The following TRIM44 variants were observed in gnomAD, a reference collection of about 807,000 sequenced individuals.
TRIM44 encodes the protein tripartite motif-containing protein 44.
In TRIM44, 13 loss-of-function variants were observed where a neutral mutation model predicts 37.4. The ratio of observed to expected loss-of-function variants is 0.35; its 90% CI spans 0.23 to 0.55. TRIM44 has a LOEUF of 0.55. Ranked by LOEUF, TRIM44 falls within the 20% of genes least tolerant of loss-of-function variation. The pLI is 0.89. For synonymous variants in TRIM44, 175 were observed against 157.2 expected (o/e 1.11, Z -0.85); for missense variants, 426 against 437.2 (o/e 0.97, Z 0.23).
chr11:35,744,869 C>T (rs1400794720), intron 4 of TRIM44, among the ~76,000 whole-genome samples: 1 of 152,210 alleles, frequency 6.6e-6, no homozygotes, highest in African/African-American at 2.4e-5. Context: ...TGGCTTCCAA[C>T]TCCATCCATG....
In TRIM44 at chr11:35,758,586, T is replaced by G. The variant is rs1381445440; in HGVS notation, c.1007+23141T>G. On this transcript the variant is annotated intron_variant, in intron 4 of 4. Transcript: ENST00000299413. Reference sequence around the variant, plus strand: ...TTGCTCGTTAGTTGATGCAGTTTCTTCCCAGCCTCAATGGTCTTTACGATT... The same window carrying G: ...TTGCTCGTTAGTTGATGCAGTTTCTGCCCAGCCTCAATGGTCTTTACGATT... Among the ~76,000 whole-genome samples, 4 of 152,248 alleles carry G rather than the reference T, an allele frequency of 2.6e-5. No individual in the cohort carries two copies. The East Asian group carries it at 7.7e-4, about 29-fold the overall frequency.
At chr11:35,760,654 A>T (rs1281397569) in intron 4 of TRIM44, among the ~76,000 whole-genome samples, 5 of 152,080 alleles carry the variant, frequency 3.3e-5, no homozygotes, top group Admixed American at 3.3e-4. Flanking sequence ...TATGTTTTTT[A>T]AATTAATTTA....
At chr11:35,745,417 C>T (rs748848613) in intron 4 of TRIM44, among the ~76,000 whole-genome samples, 4 of 151,948 alleles carry the variant, frequency 2.6e-5, no homozygotes, top group African/African-American at 7.3e-5. Flanking sequence ...AGATATTAGG[C>T]CTTTGTCAGA....
At chr11:35,723,281 C>T (rs1444561531) in intron 2 of TRIM44, among the ~76,000 whole-genome samples, 1 of 152,210 alleles carries the variant, frequency 6.6e-6, no homozygotes, top group Non-Finnish European at 1.5e-5. Context: ...AGGTTAGATT[C>T]AGATGTTCAA....
intron 4 of TRIM44, among the ~76,000 whole-genome samples, chr11:35,754,059 GAAAA>G (rs1274765857): frequency 7.4e-6 from 1 of 135,770 alleles, no homozygotes; most frequent in Non-Finnish European, 1.5e-5. Context: ...AAAAAAAAAA[GAAAA>G]AAAGAAATTT....
chr11:35,761,196 GA>G (rs2133859809), intron 4 of TRIM44, among the ~76,000 whole-genome samples: 1 of 152,094 alleles, frequency 6.6e-6, no homozygotes, highest in African/African-American at 2.4e-5. Flanking sequence ...TTCATCCATT[GA>G]TGGTTGCTTA....
intron 4 of TRIM44, among the ~76,000 whole-genome samples, chr11:35,765,257 A>G (rs1250278521): frequency 6.6e-6 from 1 of 152,210 alleles, no homozygotes. Flanking sequence ...CAACAGAGAA[A>G]AAGAATAAGC....
At chr11:35,693,880 A>G (rs551913253) in intron 2 of TRIM44, among the ~76,000 whole-genome samples, 1 of 152,270 alleles carries the variant, frequency 6.6e-6, no homozygotes, top group South Asian at 2.1e-4. Context: ...AAAACGTTGG[A>G]AAGAATAGAG....
intron 2 of TRIM44, among the ~76,000 whole-genome samples, chr11:35,710,212 A>T (rs1851950430): frequency 6.6e-6 from 1 of 152,188 alleles, no homozygotes; most frequent in South Asian, 2.1e-4. Context: ...AGAATTACAG[A>T]GTCCTTTTCA....
chr11:35,732,394 A>G (rs1190488283), intron 3 of TRIM44, among the ~76,000 whole-genome samples: 1 of 152,190 alleles, frequency 6.6e-6, no homozygotes, highest in African/African-American at 2.4e-5. Context: ...TTGGTATTTA[A>G]TAGACTCTCA....
intron 2 of TRIM44, among the ~76,000 whole-genome samples, chr11:35,707,270 G>A (rs989016762): frequency 3.8e-4 from 58 of 152,086 alleles, no homozygotes; most frequent in Non-Finnish European, 6.3e-4. Flanking sequence ...AAGAGGATAC[G>A]AAGAAATGGA....
intron 4 of TRIM44, among the ~76,000 whole-genome samples, chr11:35,801,034 T>C (rs947328219): frequency 1.3e-5 from 2 of 152,178 alleles, no homozygotes; most frequent in African/African-American, 4.8e-5. Context: ...AACCTCCTTA[T>C]TTTCAGCTCA....
intron 1 of TRIM44, among the ~76,000 whole-genome samples, chr11:35,669,769 A>G (rs1282653678): frequency 6.6e-6 from 1 of 151,946 alleles, no homozygotes; most frequent in African/African-American, 2.4e-5. Flanking sequence ...ATAAGCCACC[A>G]CACCTGGCCA....
At position 35,733,845 on chromosome 11, in the gene TRIM44, C is replaced by T. The variant is rs369971709; in HGVS notation, c.988-1581C>T. Among the ~76,000 whole-genome samples, 3 of 152,206 alleles carry T rather than the reference C, an allele frequency of 2.0e-5. No individual in the cohort carries two copies. In the South Asian group the frequency reaches 6.2e-4, roughly 32 times the overall value. On this transcript the variant is annotated intron_variant, in intron 3 of 4. Coordinates refer to ENST00000299413, the MANE Select transcript of TRIM44 (RefSeq NM_017583.6). ...ATCCCCATTCTGTAGTTTCACAGAA[C>T]TCAAGGTCCCTTGAACAACACATTT...
At chr11:35,805,543 C>T (rs556981732) in intron 4 of TRIM44, among the ~76,000 whole-genome samples, 42 of 152,328 alleles carry the variant, frequency 2.8e-4, no homozygotes, top group African/African-American at 9.6e-4. Context: ...AATAACCTGG[C>T]CAGGGCAGTA....
chr11:35,708,702 A>G (rs1851922754), intron 2 of TRIM44, among the ~76,000 whole-genome samples: 1 of 151,734 alleles, frequency 6.6e-6, no homozygotes, highest in African/African-American at 2.4e-5. Context: ...ACAGGTGGGA[A>G]TTGAACAATG....
intron 1 of TRIM44, among the ~76,000 whole-genome samples, chr11:35,677,870 G>T (rs777842283): frequency 4.6e-5 from 7 of 152,188 alleles, no homozygotes; most frequent in Admixed American, 1.3e-4. Flanking sequence ...TGGGGAAGGA[G>T]ATAGGGAGTG....
rs1001036466 is a variant in TRIM44, at chr11:35,810,526, G to A, written c.*4141G>A. The A allele has an allele frequency of 6.6e-6, 1 of 152,128 alleles. No individual in the cohort carries two copies. The highest frequency in any genetic ancestry group is 2.4e-5 in the African/African-American group (1 of 41,432). The allele number at this position is 152,128 out of a possible 1,614,324, so 9.4% of individuals were successfully genotyped here. ...CCCTGTCCCATTCCAGAAACCATAA[G>A]ACTCAGGCAGTTCTTGATTCTGGAG... On this transcript the variant is annotated 3_prime_UTR_variant, in exon 5 of 5. Coordinates refer to ENST00000299413, the MANE Select transcript of TRIM44 (RefSeq NM_017583.6).
chr11:35,769,270 G>C (rs142388725), intron 4 of TRIM44, among the ~76,000 whole-genome samples: 2 of 152,110 alleles, frequency 1.3e-5, no homozygotes, highest in Non-Finnish European at 2.9e-5. Context: ...CACATCTTTT[G>C]TACTCTGTAC....
Sources: gnomAD v4.1 joint callset for allele counts (sites outside exome capture counted in the v4.1 genomes callset) on GRCh38, gnomAD v4.1.1 for gene constraint, MANE v1.5 for transcripts, NCBI Gene and HGNC (gene_info 2026-07-23, HGNC 2026-07-21) for gene names.